The following MS4A12 variants were observed in gnomAD, a reference collection of about 807,000 sequenced individuals.
The protein encoded by MS4A12 is membrane spanning 4-domains A12, also known as membrane-spanning 4-domains subfamily A member 12.
In MS4A12, 28 loss-of-function variants were observed where a neutral mutation model predicts 23.7. That is an observed-to-expected ratio of 1.18 (90% CI 0.88 to 1.62). MS4A12 has a LOEUF of 1.62. MS4A12 is among the 40% of genes most tolerant of loss of function. MS4A12 has a pLI of 0.00. For missense variants in MS4A12, 342 were observed against 327.0 expected (o/e 1.05, Z -0.35); for synonymous variants, 108 against 110.1 (o/e 0.98, Z 0.12).
chr11:60,504,982 G>A (rs904126862), intron 5 of MS4A12, among the ~76,000 whole-genome samples: 10 of 152,200 alleles, frequency 6.6e-5, no homozygotes, highest in African/African-American at 2.2e-4. Context: ...GTTTTAGGCC[G>A]GGAATTTGAA....
intron 4 of MS4A12, 88 bp downstream of exon 4, chr11:60,502,127 A>T: frequency 7.4e-7 from 1 of 1,346,892 alleles, no homozygotes; most frequent in Non-Finnish European, 1.1e-6. Flanking sequence ...GATTTGGGAA[A>T]TGCAAAAGGG....
At position 60,503,555 on chromosome 11, in the gene MS4A12, C is replaced by T. The variant is rs951791151; in HGVS notation, c.472-146C>T. ...CAGAATAATGTTTATGGTAATTACC[C>T]AGAAGGGCAGAAAACAGAATAATTT... On this transcript the variant is annotated intron_variant, in intron 4 of 6. Transcript: ENST00000016913. The T allele has an allele frequency of 6.3e-6, 4 of 638,106 alleles. No homozygotes were observed. In the African/African-American group the frequency reaches 7.4e-5, roughly 12 times the overall value. The allele number at this position is 638,106 out of a possible 1,614,324, so 39.5% of individuals were successfully genotyped here.
At chr11:60,496,009 T>A (rs2086485282) in intron 1 of MS4A12, among the ~76,000 whole-genome samples, 1 of 152,210 alleles carries the variant, frequency 6.6e-6, no homozygotes, top group Admixed American at 6.5e-5. Context: ...AGAATCCCAT[T>A]TTCAAGTCCT....
At position 60,503,687 on chromosome 11, in the gene MS4A12, G is replaced by T. The variant is rs1220167605; in HGVS notation, c.472-14G>T. 9 of 1,591,402 alleles carry T rather than the reference G, an allele frequency of 5.7e-6. No individual in the cohort carries two copies. The highest frequency in any genetic ancestry group is 7.7e-6 in the Non-Finnish European group (9 of 1,164,904). On this transcript the variant is annotated splice_polypyrimidine_tract_variant and intron_variant, in intron 4 of 6. Coordinates refer to ENST00000016913, the MANE Select transcript of MS4A12 (RefSeq NM_017716.3). Reference sequence around the variant, plus strand: ...TCCTGTATATAATTGATTTTTTCCTGCCATCTCCATTAGGTGAAAGGCAGC... The same window carrying T: ...TCCTGTATATAATTGATTTTTTCCTTCCATCTCCATTAGGTGAAAGGCAGC...
chr11:60,507,278 C>G lies in MS4A12; in HGVS notation c.*154C>G. 1.6e-6 allele frequency: 1 copy of G among 627,126 alleles called. No homozygotes were observed. The highest frequency in any genetic ancestry group is 2.8e-6 in the Non-Finnish European group (1 of 356,570). 38.8% of individuals were successfully genotyped at this position (627,126 alleles called of 1,614,324 possible). A position where few individuals can be genotyped will look rare whatever the true frequency, so the allele number is the denominator to read the frequency against. On this transcript the variant is annotated 3_prime_UTR_variant, in exon 7 of 7. Coordinates refer to ENST00000016913, the MANE Select transcript of MS4A12 (RefSeq NM_017716.3). ...GGTTGGTCGCTAATGATGGCTGTATCTCCCTTCACTGTCTCTTCCTACATT... is the reference window on the plus strand; with the variant it reads ...GGTTGGTCGCTAATGATGGCTGTATGTCCCTTCACTGTCTCTTCCTACATT...
At chr11:60,494,482 G>T (rs7129442) in intron 1 of MS4A12, among the ~76,000 whole-genome samples, 33,150 of 151,902 alleles carry the variant, frequency 0.22, 4,540 homozygotes, top group Non-Finnish European at 0.29. Flanking sequence ...TTCTTGTTCT[G>T]GTTAATTACT....
At chr11:60,503,852 A>C (rs2298556) in intron 5 of MS4A12, 35 bp downstream of exon 5, 128,800 of 1,560,782 alleles carry the variant, frequency 0.083, 5,862 homozygotes, top group South Asian at 0.13. Flanking sequence ...TGCCTGCTCT[A>C]TTTTCAGTCC....
In MS4A12 at chr11:60,503,674, T is replaced by C. The variant is rs781269869; in HGVS notation, c.472-27T>C. 9 of 1,550,462 alleles carry C rather than the reference T, an allele frequency of 5.8e-6. No homozygotes were observed. The East Asian group carries it at 6.7e-5, about 12-fold the overall frequency. On this transcript the variant is annotated intron_variant, in intron 4 of 6. Coordinates refer to ENST00000016913, the MANE Select transcript of MS4A12 (RefSeq NM_017716.3). ...TTAACTTCAGTGATCCTGTATATAA[T>C]TGATTTTTTCCTGCCATCTCCATTA...
At chr11:60,497,217 A>T in intron 1 of MS4A12, 96 bp from the exon 2 acceptor site, 1 of 1,369,804 alleles carries the variant, frequency 7.3e-7, no homozygotes, top group East Asian at 2.3e-5. Flanking sequence ...TGTTCTCTCC[A>T]TTTGCATAGA....
chr11:60,501,874 T>A (rs2086532955), intron 3 of MS4A12, 109 bp from the exon 4 acceptor site: 1 of 1,000,536 alleles, frequency 1.0e-6, no homozygotes, highest in South Asian at 1.5e-5. Flanking sequence ...AGAGAAAATT[T>A]TGAGAAGGAA....
rs536385814 is a variant in MS4A12, at chr11:60,497,390, C to T, written c.72C>T (p.Ser24=). ...ETIPNPYPPS[S]FMAPGFQQPL... ...TACCCAACCCTTACCCACCAAGCAG[C>T]TTTATGGCTCCTGGATTTCAACAGC... Residue 24 remains serine, a synonymous_variant, in exon 2 of 7, where the codon AGC becomes AGT. Transcript: ENST00000016913. The T allele has an allele frequency of 1.2e-5, 20 of 1,614,194 alleles. No homozygotes were observed. Among genetic ancestry groups the T allele is most frequent in the Non-Finnish European group, 1.7e-5 (20 of 1,180,040 alleles).
chr11:60,497,060 A>C (rs1181984816), intron 1 of MS4A12, among the ~76,000 whole-genome samples: 1 of 152,234 alleles, frequency 6.6e-6, no homozygotes, highest in Non-Finnish European at 1.5e-5. Context: ...GGCAGAGCTC[A>C]GGCAGTAATG....
intron 2 of MS4A12, among the ~76,000 whole-genome samples, chr11:60,499,437 G>A (rs530061788): frequency 6.6e-5 from 10 of 152,164 alleles, no homozygotes; most frequent in Non-Finnish European, 1.3e-4. Context: ...GTGACCAGAC[G>A]GCTGAATTGC....
At chr11:60,505,970 G>A (rs1268468129) in intron 5 of MS4A12, among the ~76,000 whole-genome samples, 1 of 152,130 alleles carries the variant, frequency 6.6e-6, no homozygotes, top group Non-Finnish European at 1.5e-5. Flanking sequence ...GTCCATCCTC[G>A]CTAGCAAGAA....
chr11:60,507,182 C>G lies in MS4A12; in HGVS notation c.*58C>G, dbSNP rs1414309506. On this transcript the variant is annotated 3_prime_UTR_variant, in exon 7 of 7. Coordinates refer to ENST00000016913, the MANE Select transcript of MS4A12 (RefSeq NM_017716.3). ...GGAGAAAAACTACTTGCAAAAACTTCTTAAGAAGATGTCTTTTATTGTCTA... is the reference window on the plus strand; with the variant it reads ...GGAGAAAAACTACTTGCAAAAACTTGTTAAGAAGATGTCTTTTATTGTCTA... 2 of 1,324,492 alleles carry G rather than the reference C, an allele frequency of 1.5e-6. No homozygotes were observed. The highest frequency in any genetic ancestry group is 2.9e-5 in the African/African-American group (2 of 68,312). 82.0% of individuals were successfully genotyped at this position (1,324,492 alleles called of 1,614,324 possible). A position where few individuals can be genotyped will look rare whatever the true frequency, so the allele number is the denominator to read the frequency against.
intron 4 of MS4A12, 45 bp from the exon 5 acceptor site, chr11:60,503,656 C>A: frequency 7.1e-7 from 1 of 1,411,638 alleles, no homozygotes; most frequent in Non-Finnish European, 9.8e-7. Flanking sequence ...CACTTAACTT[C>A]AGTGATCCTG....
rs549785789 is a variant in MS4A12 at position 60,499,047 on chromosome 11, G to A, written c.276+1453G>A. 5.9e-5 allele frequency among the ~76,000 whole-genome samples: 9 copies of A among 152,268 alleles called. No individual in the cohort carries two copies. In the South Asian group the frequency reaches 6.2e-4, roughly 11 times the overall value. On this transcript the variant is annotated intron_variant, in intron 2 of 6. Coordinates refer to ENST00000016913, the MANE Select transcript of MS4A12 (RefSeq NM_017716.3). Reference sequence around the variant, plus strand: ...GAGGAACCACTGAAGCATGCTGCCCGGCACCGAAGAGGCGTGTGATAAAAA... The same window carrying A: ...GAGGAACCACTGAAGCATGCTGCCCAGCACCGAAGAGGCGTGTGATAAAAA...
Position 60,495,224 on chromosome 11 carries a change from G to A in MS4A12, c.-6-2089G>A, listed in dbSNP as rs961838118. Among the ~76,000 whole-genome samples, 4 of 150,762 alleles carry A rather than the reference G, an allele frequency of 2.7e-5. No homozygotes were observed. In the East Asian group the frequency reaches 5.8e-4, roughly 22 times the overall value. On this transcript the variant is annotated intron_variant, in intron 1 of 6. Transcript: ENST00000016913. Reference sequence around the variant, plus strand: ...TCACCATGTTAGCCAGGATGGTCTCGATCTCCTGACCTCGGGATCTGCCCG... The same window carrying A: ...TCACCATGTTAGCCAGGATGGTCTCAATCTCCTGACCTCGGGATCTGCCCG...
At chr11:60,506,438 C>T (rs1303062817) in intron 5 of MS4A12, among the ~76,000 whole-genome samples, 1 of 151,960 alleles carries the variant, frequency 6.6e-6, no homozygotes, top group African/African-American at 2.4e-5. Flanking sequence ...TGAGTAGTAA[C>T]ATTTGTATTA....
Sources: allele counts gnomAD v4.1 joint callset (sites outside exome capture counted in the v4.1 genomes callset), GRCh38; gene constraint gnomAD v4.1.1; transcripts MANE v1.5; gene names NCBI Gene and HGNC (gene_info 2026-07-23, HGNC 2026-07-21).